Variants in MYH4 observed in about 807,000 individuals in gnomAD.
MYH4 encodes myosin heavy chain 4, also known as myosin-4.
Under a neutral mutation model 229.9 loss-of-function variants are expected in MYH4, and 200 were observed. The ratio of observed to expected loss-of-function variants is 0.87; its 90% CI spans 0.78 to 0.98. The LOEUF (loss-of-function observed/expected upper bound fraction) is 0.98. Among genes scored for constraint, MYH4 ranks in the 50% least tolerant of loss-of-function variants. The pLI is 0.00. For synonymous variants in MYH4, 761 were observed against 834.6 expected, an observed-to-expected ratio of 0.91 and a Z score of 1.52; for missense variants, 2,148 against 2,332.6, an observed-to-expected ratio of 0.92 and a Z score of 1.63.
intron 30 of MYH4, among the ~76,000 whole-genome samples, 166 bp downstream of exon 30, chr17:10,450,287 T>C (rs189598383): frequency 2.0e-3 from 305 of 152,304 alleles, no homozygotes; most frequent in African/African-American, 7.1e-3. Context: ...CCAGTGGACA[T>C]ACACTGGGCT....
intron 12 of MYH4, 68 bp from the exon 13 acceptor site, chr17:10,460,389 G>A: frequency 8.0e-7 from 1 of 1,251,242 alleles, no homozygotes; most frequent in Admixed American, 2.2e-5. Context: ...AAATGATGAT[G>A]ACAAAGAAAA....
At chr17:10,458,528 T>C (rs2072665899) in intron 15 of MYH4, among the ~76,000 whole-genome samples, 1 of 152,190 alleles carries the variant, frequency 6.6e-6, no homozygotes, top group Admixed American at 6.5e-5. Flanking sequence ...AACCTGAGTA[T>C]TTTAAGTTTT....
chr17:10,461,250 C>A (rs1452716275), intron 11 of MYH4, among the ~76,000 whole-genome samples, 196 bp from the exon 12 acceptor site: 1 of 152,110 alleles, frequency 6.6e-6, no homozygotes, highest in Non-Finnish European at 1.5e-5. Flanking sequence ...ATCAGTCTTT[C>A]CATTTGAGTC....
Position 10,463,096 on chromosome 17 carries a change from G to T in MYH4, c.898C>A (p.Leu300Ile). ...YQILSNKKPE[L>I]IEMLLITTNP... ...AATCAAAGATGTGTCTTACCAATGA[G>T]CTCTGGTTTCTTATTGGACAGGATT... is the stretch of plus-strand genomic sequence containing the variant. Residue 300 changes from leucine (L) to isoleucine (I), a missense_variant, in exon 10 of 40, where the codon CTC becomes ATC. Coordinates refer to ENST00000255381, the MANE Select transcript of MYH4 (RefSeq NM_017533.2). 1 of 1,610,518 alleles carries T rather than the reference G, an allele frequency of 6.2e-7. No homozygotes were observed. Among genetic ancestry groups the T allele is most frequent in the Non-Finnish European group, 8.5e-7 (1 of 1,177,142 alleles).
rs143134132 is a variant in MYH4, at chr17:10,455,687, C to T, written c.2101G>A (p.Gly701Ser). 6 of 1,614,088 alleles carry T rather than the reference C, an allele frequency of 3.7e-6. No homozygotes were observed. The highest frequency in any genetic ancestry group is 1.6e-4 in the Middle Eastern group (1 of 6,062). ...CAGATGCGGATGCCTTCCAGCACACCGTTACACCTCAGCTGATGCAGGACA... is the reference window on the plus strand; with the variant it reads ...CAGATGCGGATGCCTTCCAGCACACTGTTACACCTCAGCTGATGCAGGACA... ...ELVLHQLRCN[G>S]VLEGIRICRK... Residue 701 changes from glycine (G) to serine (S), a missense_variant, in exon 19 of 40, where the codon GGT becomes AGT. Physicochemically the swap from Gly to Ser is moderately conservative, Grantham distance 56. Coordinates refer to ENST00000255381, the MANE Select transcript of MYH4 (RefSeq NM_017533.2).
intron 33 of MYH4, 82 bp downstream of exon 33, chr17:10,448,314 G>T: frequency 6.8e-7 from 1 of 1,465,468 alleles, no homozygotes; most frequent in Non-Finnish European, 9.2e-7. Context: ...ATTCCCTAAA[G>T]ATTTGCAACA....
Position 10,464,402 on chromosome 17 carries a change from C to G in MYH4, c.648+70G>C. 8 of 1,279,222 alleles carry G rather than the reference C, an allele frequency of 6.3e-6. No individual in the cohort carries two copies. The South Asian group carries it at 1.1e-4, about 17-fold the overall frequency. 79.2% of individuals were successfully genotyped at this position (1,279,222 alleles called of 1,614,324 possible). A position where few individuals can be genotyped will look rare whatever the true frequency, so the allele number is the denominator to read the frequency against. ...ACGTACTACATTTTCTGTATACAGT[C>G]TACTGTTGATGTGCACGTGGTTAGA... is the stretch of plus-strand genomic sequence containing the variant. On this transcript the variant is annotated intron_variant, in intron 7 of 39. Transcript: ENST00000255381.
intron 16 of MYH4, among the ~76,000 whole-genome samples, chr17:10,457,199 G>A (rs1275491783): frequency 1.3e-5 from 2 of 152,198 alleles, no homozygotes; most frequent in African/African-American, 4.8e-5. Context: ...GTTTTCTCAT[G>A]AGTGAAATCA....
chr17:10,460,639 T>C (rs2072691220), intron 12 of MYH4, among the ~76,000 whole-genome samples: 2 of 152,212 alleles, frequency 1.3e-5, no homozygotes, highest in Admixed American at 6.5e-5. Flanking sequence ...CAGATCTCTG[T>C]TTCTTTCAGT....
intron 2 of MYH4, among the ~76,000 whole-genome samples, chr17:10,469,026 A>T (rs2072794892): frequency 6.6e-6 from 1 of 152,200 alleles, no homozygotes. Context: ...GTTAAGTTGG[A>T]GTAGTAGTTC....
Position 10,450,902 on chromosome 17 carries a change from A to C in MYH4, c.3866-7T>G. Reference sequence around the variant, plus strand: ...AGCTGTCGTGAAAACTCACCTGTGGAAGACAAAACATCAATGATTTAGTTC... The same window carrying C: ...AGCTGTCGTGAAAACTCACCTGTGGCAGACAAAACATCAATGATTTAGTTC... On this transcript the variant is annotated splice_region_variant and splice_polypyrimidine_tract_variant and intron_variant, in intron 28 of 39. Coordinates refer to ENST00000255381, the MANE Select transcript of MYH4 (RefSeq NM_017533.2). 1 of 1,588,768 alleles carries C rather than the reference A, an allele frequency of 6.3e-7. No individual in the cohort carries two copies. The highest frequency in any genetic ancestry group is 1.1e-5 in the South Asian group (1 of 90,494).
rs3744554 is a variant in MYH4, at chr17:10,443,464, T to C, written c.5731A>G (p.Lys1911Glu). The C allele has an allele frequency of 0.44, 712,478 of 1,613,694 alleles. 164,980 individuals are homozygous for C. The highest frequency in any genetic ancestry group is 0.84 in the East Asian group (37,879 of 44,858). The change falls in exon 40 of 40, where the codon AAG becomes GAG. Residue 1911 changes from lysine to glutamate, a missense_variant. Transcript: ENST00000255381. The surrounding 1 kb of genome is among the most constrained non-coding windows in gnomAD (Gnocchi z 4.6). ...RKLQHELEEA[K>E]ERADIAESQV... ...GACTCAGCAATGTCAGCCCGTTCCT[T>C]GGCCTCCTCCAGCTCGTGCTGGAGC...
chr17:10,448,943 A>G lies in MYH4; in HGVS notation c.4286T>C (p.Val1429Ala). The stretch of plus-strand genomic sequence containing the variant: ...TTCCACATCAATCATGAGGTCCTCT[A>G]CTTCATTCTGTAGCCTCTGCTTTGT... ...EKTKQRLQNE[V>A]EDLMIDVERS... is the part of the protein sequence containing the mutation. Residue 1429 changes from valine to alanine, a missense_variant, in exon 31 of 40, where the codon GTA (valine) becomes GCA (alanine). Transcript: ENST00000255381. The G allele has an allele frequency of 6.2e-7, 1 of 1,614,124 alleles. No homozygotes were observed. The highest frequency in any genetic ancestry group is 8.5e-7 in the Non-Finnish European group (1 of 1,180,010).
chr17:10,459,052 G>A (rs940374918), intron 15 of MYH4, among the ~76,000 whole-genome samples, 199 bp downstream of exon 15: 1 of 152,190 alleles, frequency 6.6e-6, no homozygotes, highest in Non-Finnish European at 1.5e-5. Flanking sequence ...CCATATGTGT[G>A]TGAGTGATAA....
In MYH4 at chr17:10,455,098, A is replaced by G. The variant is rs753079018; in HGVS notation, c.2299-21T>C. ...AAAACCTTATGAAAGAACAAGTTAA[A>G]TATGTTATTTCCACTTACAGGAAAG... On this transcript the variant is annotated intron_variant, in intron 20 of 39. Transcript: ENST00000255381. The G allele has an allele frequency of 3.7e-6, 6 of 1,613,992 alleles. No individual in the cohort carries two copies. The Admixed American group carries it at 8.3e-5, about 22-fold the overall frequency.
At chr17:10,459,731 A>C (rs1332761655) in intron 14 of MYH4, among the ~76,000 whole-genome samples, 1 of 152,178 alleles carries the variant, frequency 6.6e-6, no homozygotes, top group Admixed American at 6.5e-5. Flanking sequence ...GATTTTGACT[A>C]TTTTAACCTC....
In MYH4 at chr17:10,462,847, T is replaced by C. The variant is rs747667730; in HGVS notation, c.1008+18A>G. The C allele has an allele frequency of 6.3e-7, 1 of 1,595,518 alleles. No individual in the cohort carries two copies. The highest frequency in any genetic ancestry group is 1.7e-5 in the Admixed American group (1 of 59,378). On this transcript the variant is annotated intron_variant, in intron 11 of 39. Transcript: ENST00000255381. Reference sequence around the variant, plus strand: ...GGAAAATGAATTTACTTTTTACTACTTTGTACCTATTACTTACATCTGTGG... The same window carrying C: ...GGAAAATGAATTTACTTTTTACTACCTTGTACCTATTACTTACATCTGTGG...
At chr17:10,458,790 T>C (rs1040206328) in intron 15 of MYH4, among the ~76,000 whole-genome samples, 2 of 152,174 alleles carry the variant, frequency 1.3e-5, no homozygotes, top group African/African-American at 2.4e-5. Context: ...GTAGTTATCA[T>C]GAACGGGGAA....
In MYH4 at chr17:10,460,320, A is replaced by C. The variant is rs1287642789; in HGVS notation, c.1149T>G (p.Val383=). The C allele has an allele frequency of 6.3e-7, 1 of 1,594,720 alleles. No homozygotes were observed. Among genetic ancestry groups the C allele is most frequent in the South Asian group, 1.1e-5 (1 of 90,280 alleles). Residue 383 remains valine, a splice_region_variant and synonymous_variant, in exon 13 of 40, where the codon GTT becomes GTG. Coordinates refer to ENST00000255381, the MANE Select transcript of MYH4 (RefSeq NM_017533.2). Reference sequence around the variant, plus strand: ...TTGTCAGATAAGCAGCTTTGTCAGCAACTGTGTGAACAAGGTGAGAATGGT... The same window carrying C: ...TTGTCAGATAAGCAGCTTTGTCAGCCACTGTGTGAACAAGGTGAGAATGGT... ...EEQAEPDGTE[V]ADKAAYLTSL...
Sources: allele counts gnomAD v4.1 joint callset (sites outside exome capture counted in the v4.1 genomes callset), GRCh38; gene constraint gnomAD v4.1.1; non-coding constraint Gnocchi (gnomAD v3.1); transcripts MANE v1.5; gene names NCBI Gene and HGNC (gene_info 2026-07-23, HGNC 2026-07-21).